Variants in RBMS3 observed in about 807,000 individuals in gnomAD.
RBMS3 encodes RNA-binding motif, single-stranded-interacting protein 3.
Under a neutral mutation model 66.8 loss-of-function variants are expected in RBMS3, and 27 were observed. That is an observed-to-expected ratio of 0.40 (90% confidence interval 0.30 to 0.56). The LOEUF (loss-of-function observed/expected upper bound fraction) is 0.56, where lower values mean the gene tolerates loss of function less well. Ranked by LOEUF, RBMS3 falls within the 20% of genes least tolerant of loss-of-function variation. RBMS3 has a pLI of 0.40. For missense variants in RBMS3, 513 were observed against 549.5 expected (o/e 0.93, Z 0.66); for synonymous variants, 188 against 183.0 (o/e 1.03, Z -0.22).
At chr3:29,921,565 A>G (rs1281237789) in intron 10 of RBMS3, among the ~76,000 whole-genome samples, 2 of 152,054 alleles carry the variant, frequency 1.3e-5, no homozygotes, top group Non-Finnish European at 2.9e-5. Context: ...ATTACCAATC[A>G]ATTAACCAGT....
chr3:29,744,497 A>T (rs1452121266), intron 5 of RBMS3, among the ~76,000 whole-genome samples: 3 of 152,184 alleles, frequency 2.0e-5, no homozygotes, highest in East Asian at 3.9e-4. Context: ...TTAAAAGAAT[A>T]TGCCGGCTGG....
At chr3:29,819,076 T>G (rs1273399761) in intron 6 of RBMS3, among the ~76,000 whole-genome samples, 1 of 152,218 alleles carries the variant, frequency 6.6e-6, no homozygotes, top group African/African-American at 2.4e-5. Context: ...TGTCAGGGAC[T>G]TTTATTATGT....
intron 6 of RBMS3, chr3:29,797,542 A>C (rs2057242926): frequency 6.6e-6 from 1 of 152,154 alleles, no homozygotes. Flanking sequence ...AATTTTCATC[A>C]AGGACTTTTC....
At chr3:29,686,334 A>G (rs1314172626) in intron 4 of RBMS3, among the ~76,000 whole-genome samples, 3 of 152,130 alleles carry the variant, frequency 2.0e-5, no homozygotes, top group Non-Finnish European at 4.4e-5. Context: ...GTGTCTCTGA[A>G]GGGCTTGGTG....
chr3:29,349,106 C>T (rs990706364), intron 1 of RBMS3, among the ~76,000 whole-genome samples: 3 of 152,138 alleles, frequency 2.0e-5, no homozygotes, highest in African/African-American at 7.2e-5. Context: ...CTTTCTTAGG[C>T]TCCTTTGAGG....
chr3:29,698,530 G>C (rs1487943789), intron 4 of RBMS3: 2 of 985,302 alleles, frequency 2.0e-6, no homozygotes, highest in Non-Finnish European at 2.4e-6. Context: ...TGGATGGTGG[G>C]TCAAGATGGC....
chr3:29,466,487 C>T (rs1439079326), intron 2 of RBMS3, among the ~76,000 whole-genome samples: 2 of 151,994 alleles, frequency 1.3e-5, no homozygotes, highest in African/African-American at 2.4e-5. Context: ...ATCATGGATT[C>T]GTGCAGCTTT....
intron 12 of RBMS3, among the ~76,000 whole-genome samples, chr3:29,950,629 T>C (rs1695620012): frequency 6.6e-6 from 1 of 151,878 alleles, no homozygotes; most frequent in Admixed American, 6.6e-5. Context: ...TTAACAGTTC[T>C]CTAGACCCTA....
At chr3:29,828,660 T>C (rs2058271699) in intron 6 of RBMS3, among the ~76,000 whole-genome samples, 1 of 152,156 alleles carries the variant, frequency 6.6e-6, no homozygotes, top group Admixed American at 6.6e-5. Context: ...TTCACATTTC[T>C]CTAGATGGGT....
intron 6 of RBMS3, among the ~76,000 whole-genome samples, chr3:29,814,764 A>G (rs1290039787): frequency 6.6e-6 from 1 of 152,146 alleles, no homozygotes; most frequent in Non-Finnish European, 1.5e-5. Context: ...CATGTACCCT[A>G]AAACTTAAAG....
intron 1 of RBMS3, among the ~76,000 whole-genome samples, chr3:29,327,939 C>T (rs1362110702): frequency 6.6e-6 from 1 of 152,172 alleles, no homozygotes; most frequent in East Asian, 1.9e-4. Context: ...TGATCTTAGT[C>T]TCTGGCATCT....
chr3:29,674,344 A>G (rs140800178), intron 4 of RBMS3, among the ~76,000 whole-genome samples: 1 of 152,302 alleles, frequency 6.6e-6, no homozygotes, highest in East Asian at 1.9e-4. Context: ...AAACTGGCAC[A>G]AGACAGGGAT....
chr3:29,315,339 A>G (rs1279014882), intron 1 of RBMS3, among the ~76,000 whole-genome samples: 1 of 151,748 alleles, frequency 6.6e-6, no homozygotes, highest in Admixed American at 6.6e-5. Context: ...TCGTATTGCA[A>G]AAGTTCAACC....
At chr3:29,653,544 C>T (rs529788451) in intron 4 of RBMS3, among the ~76,000 whole-genome samples, 16 of 152,190 alleles carry the variant, frequency 1.1e-4, no homozygotes, top group African/African-American at 3.4e-4. Context: ...ATGAAGGATT[C>T]TGAGCTGTGG....
intron 1 of RBMS3, among the ~76,000 whole-genome samples, chr3:29,293,780 T>G (rs967946121): frequency 6.6e-6 from 1 of 151,564 alleles, no homozygotes; most frequent in Non-Finnish European, 1.5e-5. Context: ...CTTCTTCTAT[T>G]CTCAAGTTTT....
chr3:29,784,422 G>C (rs563113487), intron 6 of RBMS3, among the ~76,000 whole-genome samples: 198 of 152,216 alleles, frequency 1.3e-3, no homozygotes, highest in African/African-American at 4.5e-3. Context: ...TAAATCACCT[G>C]CTCCTGAATG....
intron 2 of RBMS3, among the ~76,000 whole-genome samples, chr3:29,444,672 T>C (rs1032370903): frequency 1.3e-5 from 2 of 151,774 alleles, no homozygotes; most frequent in Non-Finnish European, 1.5e-5. Flanking sequence ...TTTGGCAACA[T>C]CGAGGTCATT....
chr3:29,545,786 A>C (rs1217805488), intron 3 of RBMS3, among the ~76,000 whole-genome samples: 2 of 152,210 alleles, frequency 1.3e-5, no homozygotes, highest in African/African-American at 4.8e-5. Flanking sequence ...AGAAGAAAAT[A>C]TCTCACAAGT....
chr3:29,520,192 C>T lies in RBMS3; in HGVS notation c.307+31693C>T, dbSNP rs546082640. Among the ~76,000 whole-genome samples the T allele has an allele frequency of 1.3e-3, 200 of 152,232 alleles. No homozygotes were observed. The South Asian group carries it at 0.013, about 10-fold the overall frequency. On this transcript the variant is annotated intron_variant, in intron 3 of 14. Coordinates refer to ENST00000383767, the MANE Select transcript of RBMS3 (RefSeq NM_001003793.3). ...AGCACTTAAATGTGCTTAGTCCAAA[C>T]TGAGATGTGCTGTGAGTGTAAAATA...
Sources: allele counts gnomAD v4.1 joint callset (sites outside exome capture counted in the v4.1 genomes callset), GRCh38; gene constraint gnomAD v4.1.1; transcripts MANE v1.5; gene names NCBI Gene and HGNC (gene_info 2026-07-23, HGNC 2026-07-21).